Variants in DLL4 observed in about 807,000 individuals in gnomAD.
DLL4 encodes the protein delta like canonical Notch ligand 4.
A neutral mutation model predicts 73.6 loss-of-function variants in DLL4; 7 were observed. The ratio of observed to expected loss-of-function variants is 0.10; its 90% CI spans 0.05 to 0.18. The LOEUF is 0.18. Ranked by LOEUF, DLL4 falls within the 10% of genes least tolerant of loss-of-function variation. The pLI is 1.00. For synonymous variants in DLL4, 345 were observed against 374.3 expected (o/e 0.92, Z 0.90); for missense variants, 614 against 929.9 (o/e 0.66, Z 4.42).
At chr15:40,934,171 C>T (rs140530656) in intron 6 of DLL4, among the ~76,000 whole-genome samples, 1 of 151,274 alleles carries the variant, frequency 6.6e-6, no homozygotes, top group African/African-American at 2.4e-5. Context: ...TGTAAAAATA[C>T]AAATATTAAT....
intron 6 of DLL4, among the ~76,000 whole-genome samples, chr15:40,932,866 T>A (rs900354914): frequency 6.6e-6 from 1 of 152,200 alleles, no homozygotes; most frequent in Non-Finnish European, 1.5e-5. Flanking sequence ...CGGTGGGGTG[T>A]GCCCACCGGC....
rs777007347 is a variant in DLL4 at position 40,930,730 on chromosome 15, C to A, written c.394+48C>A. The A allele has an allele frequency of 1.3e-6, 2 of 1,584,566 alleles. No individual in the cohort carries two copies. Among genetic ancestry groups the A allele is most frequent in the South Asian group, 1.1e-5 (1 of 89,772 alleles). On this transcript the variant is annotated intron_variant, in intron 3 of 10. Transcript: ENST00000249749. This position sits in a 1 kb window ranked among gnomAD's most constrained non-coding sequence, Gnocchi z 5.7. ...ACAGGGGGGCGACACGGCGCAGCGC[C>A]GAAAGAGTTAATCTGTTCTAGGCGG...
chr15:40,934,251 G>T (rs1044879015), intron 6 of DLL4, among the ~76,000 whole-genome samples: 1 of 150,682 alleles, frequency 6.6e-6, no homozygotes, highest in Non-Finnish European at 1.5e-5. Context: ...GCTTGAACCC[G>T]GAAGGCGAAG....
chr15:40,934,661 G>A lies in DLL4; in HGVS notation c.964G>A (p.Glu322Lys), dbSNP rs1892817557. The change falls in exon 7 of 11, where the codon GAG becomes AAG. Residue 322 changes from glutamate (E) to lysine (K), a missense_variant. Glu to Lys is a moderately conservative substitution (Grantham distance 56, BLOSUM62 1). Transcript: ENST00000249749. ...CCCAGGCTACACTGGTGTGGACTGT[G>A]AGCTGGAGCTCAGCGAGTGTGACAG... ...CRPGYTGVDCELELSECDSNP... is the reference protein window; with the variant it reads ...CRPGYTGVDCKLELSECDSNP... 6.2e-7 allele frequency: 1 copy of A among 1,613,948 alleles called. No homozygotes were observed.
At chr15:40,934,370 A>C (rs1566878985) in intron 6 of DLL4, among the ~76,000 whole-genome samples, 178 bp from the exon 7 acceptor site, 1 of 151,848 alleles carries the variant, frequency 6.6e-6, no homozygotes, top group African/African-American at 2.4e-5. Context: ...GAGAGAAAGA[A>C]AGAAAGAAAG....
At chr15:40,937,028 G>T in intron 9 of DLL4, 98 bp downstream of exon 9, 1 of 1,066,232 alleles carries the variant, frequency 9.4e-7, no homozygotes, top group Non-Finnish European at 1.3e-6. Flanking sequence ...AAGCAGCTGA[G>T]GTTTTGTTAC....
At position 40,929,384 on chromosome 15, in the gene DLL4, G is replaced by A; in HGVS notation, c.-285G>A. On this transcript the variant is annotated 5_prime_UTR_variant, in exon 1 of 11. Coordinates refer to ENST00000249749, the MANE Select transcript of DLL4 (RefSeq NM_019074.4). This position sits in a 1 kb window ranked among gnomAD's most constrained non-coding sequence, Gnocchi z 7.1. The stretch of plus-strand genomic sequence containing the variant: ...GGCCGGGAACACGAGGCCAAGAGCC[G>A]CAGCCCCAGCCGCCTTGGTGCAGCG... 1 of 424,160 alleles carries A rather than the reference G, an allele frequency of 2.4e-6. No individual in the cohort carries two copies. The highest frequency in any genetic ancestry group is 3.6e-5 in the East Asian group (1 of 27,508). The allele number at this position is 424,160 out of a possible 1,614,324, so 26.3% of individuals were successfully genotyped here. A position where few individuals can be genotyped will look rare whatever the true frequency, so the allele number is the denominator to read the frequency against.
In DLL4 at chr15:40,932,377, C is replaced by T. The variant is rs564804506; in HGVS notation, c.780C>T (p.Arg260=). The change falls in exon 6 of 11, where the codon CGC becomes CGT. Residue 260 remains arginine, a synonymous_variant. Coordinates refer to ENST00000249749, the MANE Select transcript of DLL4 (RefSeq NM_019074.4). ...AATGCATCCCCCACAATGGCTGTCG[C>T]CACGGCACCTGCAGCACTCCCTGGC... ...CNECIPHNGC[R]HGTCSTPWQC... 6.2e-7 allele frequency: 1 copy of T among 1,613,954 alleles called. No individual in the cohort carries two copies. Among genetic ancestry groups the T allele is most frequent in the Admixed American group, 1.7e-5 (1 of 60,028 alleles).
rs895278336 is a variant in DLL4 at position 40,932,504 on chromosome 15, G to A, written c.850+57G>A. The A allele has an allele frequency of 4.4e-6, 7 of 1,599,398 alleles. No individual in the cohort carries two copies. The East Asian group carries it at 9.0e-5, about 21-fold the overall frequency. ...TGCAAGAGATATGGGGCTGGGGGGT[G>A]GAAATCCGATTCGTCACCTGGATCC... On this transcript the variant is annotated intron_variant, in intron 6 of 10. Coordinates refer to ENST00000249749, the MANE Select transcript of DLL4 (RefSeq NM_019074.4).
chr15:40,930,544 A>T lies in DLL4; in HGVS notation c.337-81A>T. Reference sequence around the variant, plus strand: ...ACTGAATCCTGCAATTAGATTAATTAAACAGGCTGCCGCAAGGCACCCCCA... The same window carrying T: ...ACTGAATCCTGCAATTAGATTAATTTAACAGGCTGCCGCAAGGCACCCCCA... On this transcript the variant is annotated intron_variant, in intron 2 of 10. Coordinates refer to ENST00000249749, the MANE Select transcript of DLL4 (RefSeq NM_019074.4). The surrounding 1 kb of genome is among the most constrained non-coding windows in gnomAD (Gnocchi z 5.7). 1 of 1,155,276 alleles carries T rather than the reference A, an allele frequency of 8.7e-7. No individual in the cohort carries two copies. The highest frequency in any genetic ancestry group is 1.3e-5 in the South Asian group (1 of 77,522). The allele number at this position is 1,155,276 out of a possible 1,614,324, so 71.6% of individuals were successfully genotyped here.
intron 6 of DLL4, among the ~76,000 whole-genome samples, chr15:40,933,393 A>C (rs1334101954): frequency 6.6e-6 from 1 of 152,076 alleles, no homozygotes; most frequent in African/African-American, 2.4e-5. Context: ...CAGGTGACAC[A>C]GTCATATACT....
intron 6 of DLL4, among the ~76,000 whole-genome samples, chr15:40,933,900 C>T (rs1045370925): frequency 9.2e-5 from 14 of 151,412 alleles, no homozygotes; most frequent in African/African-American, 3.4e-4. Context: ...GTGGCAGGCA[C>T]CTGTAGCCCC....
At position 40,938,226 on chromosome 15, in the gene DLL4, C is replaced by A; in HGVS notation, c.*192C>A. 2.0e-6 allele frequency: 1 copy of A among 511,312 alleles called. No individual in the cohort carries two copies. The highest frequency in any genetic ancestry group is 3.3e-6 in the Non-Finnish European group (1 of 306,472). The allele number at this position is 511,312 out of a possible 1,614,324, so 31.7% of individuals were successfully genotyped here. A position where few individuals can be genotyped will look rare whatever the true frequency, so the allele number is the denominator to read the frequency against. The stretch of plus-strand genomic sequence containing the variant: ...AATACCCTTCCACACCTTTGGGTGT[C>A]TGTCTGGCATCAGATTGGCAGCTGC... On this transcript the variant is annotated 3_prime_UTR_variant, in exon 11 of 11. Transcript: ENST00000249749.
chr15:40,934,099 A>C (rs1353722588), intron 6 of DLL4, among the ~76,000 whole-genome samples: 2 of 149,246 alleles, frequency 1.3e-5, no homozygotes, highest in Admixed American at 1.3e-4. Flanking sequence ...TGGGAGGCCG[A>C]GGTAGGTGGA....
At chr15:40,931,442 C>T (rs934551523) in intron 3 of DLL4, 61 bp from the exon 4 acceptor site, 47 of 1,537,934 alleles carry the variant, frequency 3.1e-5, no homozygotes, top group Admixed American at 3.7e-5. Flanking sequence ...CATTGGCCAG[C>T]CGTCACTGGC....
intron 8 of DLL4, among the ~76,000 whole-genome samples, chr15:40,935,335 A>T (rs976696786): frequency 2.0e-5 from 3 of 152,196 alleles, no homozygotes; most frequent in Non-Finnish European, 4.4e-5. Flanking sequence ...TGCACCCTGC[A>T]TAGCTTCCAT....
chr15:40,938,736 G>A lies in DLL4; in HGVS notation c.*702G>A, dbSNP rs768223827. 10 of 152,588 alleles carry A rather than the reference G, an allele frequency of 6.6e-5. No individual in the cohort carries two copies. The highest frequency in any genetic ancestry group is 2.4e-4 in the African/African-American group (10 of 41,440). 9.5% of individuals were successfully genotyped at this position (152,588 alleles called of 1,614,324 possible). A position where few individuals can be genotyped will look rare whatever the true frequency, so the allele number is the denominator to read the frequency against. ...GGGCCTGCCCCTCCCACCAGCCAAG[G>A]GTGCCAGGCCTAACTGGGGCACTCA... is the stretch of plus-strand genomic sequence containing the variant. On this transcript the variant is annotated 3_prime_UTR_variant, in exon 11 of 11. Coordinates refer to ENST00000249749, the MANE Select transcript of DLL4 (RefSeq NM_019074.4).
At chr15:40,937,918 C>T in intron 10 of DLL4, 111 bp from the exon 11 acceptor site, 1 of 1,329,154 alleles carries the variant, frequency 7.5e-7, no homozygotes, top group Non-Finnish European at 1.0e-6. Context: ...GCCCCACCTG[C>T]CCTTAGCCCC....
At position 40,930,155 on chromosome 15, in the gene DLL4, C is replaced by A. The variant is rs764616123; in HGVS notation, c.336+39C>A. 4 of 1,589,654 alleles carry A rather than the reference C, an allele frequency of 2.5e-6. No homozygotes were observed. Among genetic ancestry groups the A allele is most frequent in the Non-Finnish European group, 3.4e-6 (4 of 1,168,634 alleles). ...GGGCGCACTGGGAGGTCGCAGAAGC[C>A]GAGAGAGGAGGCGCCCTGGGACCAA... On this transcript the variant is annotated intron_variant, in intron 2 of 10. Transcript: ENST00000249749. The surrounding 1 kb of genome is among the most constrained non-coding windows in gnomAD (Gnocchi z 5.7).
Sources: allele counts gnomAD v4.1 joint callset (sites outside exome capture counted in the v4.1 genomes callset), GRCh38; gene constraint gnomAD v4.1.1; non-coding constraint Gnocchi (gnomAD v3.1); transcripts MANE v1.5; gene names NCBI Gene and HGNC (gene_info 2026-07-23, HGNC 2026-07-21).